The following KIAA1671 variants were observed in gnomAD, a reference collection of about 807,000 sequenced individuals.
KIAA1671 encodes KIAA1671.
Under a neutral mutation model 131.2 loss-of-function variants are expected in KIAA1671, and 52 were observed. The observed-to-expected ratio is 0.40, with a 90% CI of 0.32 to 0.50. The LOEUF (loss-of-function observed/expected upper bound fraction) is 0.50, where lower values mean the gene tolerates loss of function less well. Among genes scored for constraint, KIAA1671 ranks in the 20% least tolerant of loss-of-function variants. The probability of loss-of-function intolerance (pLI) is 0.73; values close to 1 mark genes in which losing one functional copy is unlikely to be tolerated. For synonymous variants in KIAA1671, 1,003 were observed against 961.6 expected (o/e 1.04, Z -0.80); for missense variants, 2,360 against 2,364.2 (o/e 1.00, Z 0.04).
At chr22:24,996,669 A>G (rs753963891) in intron 1 of KIAA1671, among the ~76,000 whole-genome samples, 89 of 152,182 alleles carry the variant, frequency 5.8e-4, no homozygotes, top group Non-Finnish European at 1.1e-3. Context: ...CTCTGAAGCC[A>G]CAGAGTAAGT....
At chr22:25,150,189 G>A (rs1411244450) in intron 6 of KIAA1671, among the ~76,000 whole-genome samples, 1 of 152,184 alleles carries the variant, frequency 6.6e-6, no homozygotes, top group East Asian at 1.9e-4. Flanking sequence ...TCGATCCCGT[G>A]GTTTGTGAGG....
chr22:25,117,630 C>CACAG (rs1931741385), intron 6 of KIAA1671, among the ~76,000 whole-genome samples: 1 of 150,902 alleles, frequency 6.6e-6, no homozygotes, highest in African/African-American at 2.4e-5. Flanking sequence ...CACACACACA[C>CACAG]ACACACAGAC....
intron 6 of KIAA1671, among the ~76,000 whole-genome samples, chr22:25,140,359 T>C (rs1288370159): frequency 6.6e-6 from 1 of 151,996 alleles, no homozygotes; most frequent in East Asian, 1.9e-4. Context: ...GCTAGCAAGG[T>C]AGGGTTTTCT....
At chr22:24,956,954 G>A (rs1232527611) in intron 1 of KIAA1671, among the ~76,000 whole-genome samples, 5 of 151,922 alleles carry the variant, frequency 3.3e-5, no homozygotes, top group African/African-American at 7.3e-5. Flanking sequence ...GCTCCTGGCT[G>A]TGGCCTTGGG....
chr22:25,001,237 A>ATGTATG (rs1555951935), intron 1 of KIAA1671, among the ~76,000 whole-genome samples: 4 of 112,674 alleles, frequency 3.6e-5, no homozygotes, highest in Admixed American at 9.0e-5. Flanking sequence ...GTGTGTGTAT[A>ATGTATG]TGTGTGTGTG....
chr22:25,082,150 G>A (rs1038464134), intron 6 of KIAA1671, among the ~76,000 whole-genome samples: 2 of 152,186 alleles, frequency 1.3e-5, no homozygotes, highest in Non-Finnish European at 2.9e-5. Context: ...TGGTTTCTGT[G>A]TTTGAGACAG....
chr22:25,073,985 C>T (rs1473717825), intron 6 of KIAA1671, among the ~76,000 whole-genome samples: 4 of 152,122 alleles, frequency 2.6e-5, no homozygotes, highest in East Asian at 1.9e-4. Context: ...TGAGCCACTG[C>T]GCCCAGTCCT....
At chr22:25,177,942 A>AG (rs1035273856) in intron 9 of KIAA1671, among the ~76,000 whole-genome samples, 10 of 152,068 alleles carry the variant, frequency 6.6e-5, no homozygotes, top group Non-Finnish European at 1.5e-4. Flanking sequence ...TGAGCCCTGC[A>AG]GGGGTCAGGA....
chr22:25,112,660 A>G (rs1055978135), intron 6 of KIAA1671: 3 of 351,564 alleles, frequency 8.5e-6, no homozygotes, highest in Admixed American at 4.7e-5. Context: ...TCCTGAAGTC[A>G]GTCAGGACAT....
chr22:25,182,349 C>T (rs61711361), intron 10 of KIAA1671, among the ~76,000 whole-genome samples: 7,865 of 78,856 alleles, frequency 0.1, 271 homozygotes, highest in East Asian at 0.29. Flanking sequence ...TCCTCCCTCC[C>T]TTTCTCTTCT....
At chr22:24,956,889 G>T (rs1279581203) in intron 1 of KIAA1671, among the ~76,000 whole-genome samples, 1 of 125,136 alleles carries the variant, frequency 8.0e-6, no homozygotes. Flanking sequence ...AAAAAAAAAA[G>T]AAGGGAGGGA....
At chr22:25,113,317 A>G (rs958112060) in intron 6 of KIAA1671, among the ~76,000 whole-genome samples, 4 of 152,152 alleles carry the variant, frequency 2.6e-5, no homozygotes, top group African/African-American at 9.7e-5. Context: ...CAATTAATTC[A>G]GGGCTGCCCA....
chr22:25,194,744 A>C lies in KIAA1671; in HGVS notation c.*2343A>C, dbSNP rs1934770244. 6.6e-6 allele frequency: 1 copy of C among 152,126 alleles called. No individual in the cohort carries two copies. The highest frequency in any genetic ancestry group is 1.5e-5 in the Non-Finnish European group (1 of 68,034). The allele number at this position is 152,126 out of a possible 1,614,324, so 9.4% of individuals were successfully genotyped here. Reference sequence around the variant, plus strand: ...CTTCCTCACCTCCTTTTATTTTTCTATAACCTTGTCTCCTCCAGCACCACA... The same window carrying C: ...CTTCCTCACCTCCTTTTATTTTTCTCTAACCTTGTCTCCTCCAGCACCACA... On this transcript the variant is annotated 3_prime_UTR_variant, in exon 13 of 13. Coordinates refer to ENST00000358431, the MANE Select transcript of KIAA1671 (RefSeq NM_001145206.2).
At position 25,174,313 on chromosome 22, in the gene KIAA1671, C is replaced by T; in HGVS notation, c.4723C>T (p.Leu1575=). Residue 1575 remains leucine, a synonymous_variant, in exon 8 of 13, where the codon CTG becomes TTG. Coordinates refer to ENST00000358431, the MANE Select transcript of KIAA1671 (RefSeq NM_001145206.2). ...GCCCCCCAGCAGCCGTTTGTCTTCT[C>T]TGTCCTCCCAAACGGAGCCCACCTC... ...KQPPSSRLSS[L]SSQTEPTSAG... is the part of the protein sequence containing the mutation. 1 of 1,551,860 alleles carries T rather than the reference C, an allele frequency of 6.4e-7. No individual in the cohort carries two copies. The highest frequency in any genetic ancestry group is 1.4e-5 in the African/African-American group (1 of 73,156).
At chr22:25,076,438 G>A (rs1929111685) in intron 6 of KIAA1671, among the ~76,000 whole-genome samples, 1 of 152,178 alleles carries the variant, frequency 6.6e-6, no homozygotes, top group Non-Finnish European at 1.5e-5. Flanking sequence ...TTGGTGGTGG[G>A]ATGTTTTTAG....
intron 9 of KIAA1671, among the ~76,000 whole-genome samples, chr22:25,179,758 T>C (rs1934200755): frequency 6.6e-6 from 1 of 152,230 alleles, no homozygotes; most frequent in Non-Finnish European, 1.5e-5. Flanking sequence ...TATTTCTGCT[T>C]TTATTTTGAT....
At chr22:25,105,823 G>C (rs1027385661) in intron 6 of KIAA1671, among the ~76,000 whole-genome samples, 4 of 149,616 alleles carry the variant, frequency 2.7e-5, no homozygotes, top group South Asian at 2.1e-4. Flanking sequence ...TGAAGTTGGG[G>C]GGGGGGGGTG....
At chr22:25,179,329 G>A (rs1934174430) in intron 9 of KIAA1671, 4 of 1,589,934 alleles carry the variant, frequency 2.5e-6, no homozygotes, top group Admixed American at 1.8e-5. Context: ...ATCTCCTCTC[G>A]CTGCTCCTTG....
chr22:25,085,813 G>A (rs972139104), intron 6 of KIAA1671, among the ~76,000 whole-genome samples: 4 of 152,102 alleles, frequency 2.6e-5, no homozygotes, highest in African/African-American at 9.7e-5. Context: ...GAGGGAGGAA[G>A]GGAGGAAGGC....
Sources: allele counts gnomAD v4.1 joint callset (sites outside exome capture counted in the v4.1 genomes callset), GRCh38; gene constraint gnomAD v4.1.1; transcripts MANE v1.5; gene names NCBI Gene and HGNC (gene_info 2026-07-23, HGNC 2026-07-21).